CCDC178: variants seen among roughly 807,000 people sequenced by gnomAD.
The protein encoded by CCDC178 is coiled-coil domain-containing protein 178.
Under a neutral mutation model 117.4 loss-of-function variants are expected in CCDC178, and 126 were observed. That is an observed-to-expected ratio of 1.07 (90% CI 0.93 to 1.24). The LOEUF is 1.24. Among genes scored for constraint, CCDC178 ranks in the 50% most tolerant of loss-of-function variants. The probability of loss-of-function intolerance (pLI) is 0.00; values close to 1 mark genes in which losing one functional copy is unlikely to be tolerated. For synonymous variants in CCDC178, 283 were observed against 313.4 expected, an observed-to-expected ratio of 0.90 and a Z score of 1.02; for missense variants, 1,030 against 986.9, an observed-to-expected ratio of 1.04 and a Z score of -0.59.
At chr18:33,338,372 C>A (rs930845777) in intron 9 of CCDC178, among the ~76,000 whole-genome samples, 1 of 152,128 alleles carries the variant, frequency 6.6e-6, no homozygotes, top group Non-Finnish European at 1.5e-5. Context: ...AAAAGTAGAT[C>A]TCCCATTTGA....
intron 9 of CCDC178, among the ~76,000 whole-genome samples, chr18:33,345,540 A>C (rs1317290079): frequency 6.6e-6 from 1 of 152,222 alleles, no homozygotes; most frequent in African/African-American, 2.4e-5. Context: ...TAGTGCCTAA[A>C]ATATCACTTA....
At position 33,328,082 on chromosome 18, in the gene CCDC178, GATTTTTTTTTTT is replaced by G. The variant is rs2062610225; in HGVS notation, c.880-4461_880-4450del. 3.3e-4 allele frequency: 83 copies of G among 249,116 alleles called. 5 individuals are homozygous for G. Among genetic ancestry groups the G allele is most frequent in the Middle Eastern group, 2.2e-3 (3 of 1,378 alleles). The allele number at this position is 249,116 out of a possible 1,614,324, so 15.4% of individuals were successfully genotyped here. ...CCAAGGTCATAAAGATTTATCCCTA[GATTTTTTTTTTT>G]TTTTTTTTTTTTTTTTTTTTTTTTT... On this transcript the variant is annotated intron_variant, in intron 10 of 22. Coordinates refer to ENST00000383096, the MANE Select transcript of CCDC178 (RefSeq NM_001105528.4).
At chr18:33,389,987 T>A (rs985060349) in intron 4 of CCDC178, among the ~76,000 whole-genome samples, 1 of 149,038 alleles carries the variant, frequency 6.7e-6, no homozygotes, top group African/African-American at 2.5e-5. Context: ...GATATGCATG[T>A]GTATGTGTAT....
In CCDC178 at chr18:33,317,215, G is replaced by A. The variant is rs567926074; in HGVS notation, c.1022+6276C>T. On this transcript the variant is annotated intron_variant, in intron 11 of 22. Coordinates refer to ENST00000383096, the MANE Select transcript of CCDC178 (RefSeq NM_001105528.4). ...CTTTATGAGCTGTAACACTCCCTGC[G>A]AAGGTCTGCAGCTTCACTCCTGAAG... 8.5e-5 allele frequency among the ~76,000 whole-genome samples: 13 copies of A among 152,094 alleles called. No homozygotes were observed. The East Asian group carries it at 1.6e-3, about 18-fold the overall frequency.
intron 14 of CCDC178, among the ~76,000 whole-genome samples, chr18:33,264,682 T>C (rs139277065): frequency 6.6e-6 from 1 of 152,162 alleles, no homozygotes; most frequent in East Asian, 1.9e-4. Context: ...TCACTACGTC[T>C]ATTCTTGAGA....
intron 20 of CCDC178, among the ~76,000 whole-genome samples, chr18:33,096,740 G>A (rs1212103217): frequency 3.3e-5 from 5 of 152,160 alleles, no homozygotes; most frequent in South Asian, 4.1e-4. Context: ...AGCCTCAACC[G>A]TCTCAGTTCT....
intron 12 of CCDC178, among the ~76,000 whole-genome samples, chr18:33,288,265 C>CTCCTCTCCCT (rs1429459447): frequency 8.0e-6 from 1 of 125,528 alleles, no homozygotes; most frequent in Non-Finnish European, 1.7e-5. Context: ...CTTCCCTCCC[C>CTCCTCTCCCT]TCCTCTCCCT....
chr18:33,119,543 T>C (rs1396872528), intron 20 of CCDC178, among the ~76,000 whole-genome samples: 2 of 152,128 alleles, frequency 1.3e-5, no homozygotes, highest in African/African-American at 4.8e-5. Flanking sequence ...CAACAGGTGC[T>C]GGAGAGGATG....
At chr18:33,014,814 GGCACA>G (rs2144809388) in intron 21 of CCDC178, among the ~76,000 whole-genome samples, 1 of 152,120 alleles carries the variant, frequency 6.6e-6, no homozygotes, top group African/African-American at 2.4e-5. Context: ...CACAAAACAA[GGCACA>G]GCAGTAGCAG....
intron 2 of CCDC178, among the ~76,000 whole-genome samples, chr18:33,437,126 A>G (rs2064303115): frequency 6.6e-6 from 1 of 152,178 alleles, no homozygotes; most frequent in Non-Finnish European, 1.5e-5. Context: ...TCTCTAGCAA[A>G]AATGCTTAGC....
chr18:33,428,695 G>A (rs1411942983), intron 2 of CCDC178, among the ~76,000 whole-genome samples: 2 of 129,526 alleles, frequency 1.5e-5, no homozygotes, highest in African/African-American at 6.1e-5. Context: ...TCGCCCACTT[G>A]CACTCCAGCC....
At chr18:33,138,935 A>G (rs1280528958) in intron 20 of CCDC178, among the ~76,000 whole-genome samples, 1 of 152,200 alleles carries the variant, frequency 6.6e-6, no homozygotes, top group Non-Finnish European at 1.5e-5. Flanking sequence ...AAGGAATTTC[A>G]GTGATATGGT....
intron 2 of CCDC178, among the ~76,000 whole-genome samples, chr18:33,415,718 G>C (rs2063931064): frequency 6.6e-6 from 1 of 151,984 alleles, no homozygotes; most frequent in African/African-American, 2.4e-5. Context: ...AGAAATAAAA[G>C]AAAATTCAAA....
At chr18:33,319,842 G>T (rs2062478433) in intron 11 of CCDC178, among the ~76,000 whole-genome samples, 1 of 152,124 alleles carries the variant, frequency 6.6e-6, no homozygotes, top group Non-Finnish European at 1.5e-5. Flanking sequence ...GTCTTCTTTT[G>T]AGAAGTGTCT....
chr18:33,199,504 C>G (rs1485302611), intron 20 of CCDC178, among the ~76,000 whole-genome samples: 1 of 152,150 alleles, frequency 6.6e-6, no homozygotes, highest in Non-Finnish European at 1.5e-5. Flanking sequence ...TGGGATTACT[C>G]AAATCAAGTT....
intron 21 of CCDC178, among the ~76,000 whole-genome samples, chr18:33,019,472 A>C (rs879854996): frequency 6.6e-6 from 1 of 152,196 alleles, no homozygotes; most frequent in Non-Finnish European, 1.5e-5. Context: ...AGGTGGCCCT[A>C]TAACTGGAGG....
intron 14 of CCDC178, among the ~76,000 whole-genome samples, chr18:33,257,034 C>T (rs977339213): frequency 5.9e-5 from 9 of 151,916 alleles, no homozygotes; most frequent in Non-Finnish European, 1.0e-4. Flanking sequence ...TTTCTGATAA[C>T]TTCAATTCAT....
Position 33,346,861 on chromosome 18 carries a change from C to T in CCDC178, c.458-450G>A, listed in dbSNP as rs190574685. On this transcript the variant is annotated intron_variant, in intron 8 of 22. Coordinates refer to ENST00000383096, the MANE Select transcript of CCDC178 (RefSeq NM_001105528.4). ...ATTCTTCAATCTCATCCAATAAGAA[C>T]TTCTCTACTTAGCTTTGCCAGGAAT... 3.7e-3 allele frequency among the ~76,000 whole-genome samples: 569 copies of T among 152,246 alleles called. 8 individuals are homozygous for T. Among genetic ancestry groups the T allele is most frequent in the Non-Finnish European group, 3.6e-3 (244 of 68,000 alleles).
chr18:33,195,513 G>T (rs1219021675), intron 20 of CCDC178, among the ~76,000 whole-genome samples: 1 of 152,086 alleles, frequency 6.6e-6, no homozygotes, highest in African/African-American at 2.4e-5. Context: ...ACTTCATTCT[G>T]CAGCTCTTTT....
Sources: allele counts gnomAD v4.1 joint callset (sites outside exome capture counted in the v4.1 genomes callset), GRCh38; gene constraint gnomAD v4.1.1; transcripts MANE v1.5; gene names NCBI Gene and HGNC (gene_info 2026-07-23, HGNC 2026-07-21).